Variants in PCDH15 observed in about 807,000 individuals in gnomAD.
PCDH15 encodes protocadherin related 15, also known as protocadherin-15.
A neutral mutation model predicts 178.5 loss-of-function variants in PCDH15; 129 were observed. The observed-to-expected ratio is 0.72, with a 90% CI of 0.63 to 0.84. PCDH15 has a LOEUF of 0.84. Ranked by LOEUF, PCDH15 falls within the 40% of genes least tolerant of loss-of-function variation. The probability of loss-of-function intolerance (pLI) is 0.00; values close to 1 mark genes in which losing one functional copy is unlikely to be tolerated. For synonymous variants in PCDH15, 800 were observed against 732.0 expected (o/e 1.09, Z -1.50); for missense variants, 2,230 against 2,099.9 (o/e 1.06, Z -1.21).
rs80172619 is a variant in PCDH15, at chr10:53,977,133, C to A, written c.2869-15241G>T. ...GTATTTGACACTAACCTCCCATCTC[C>A]TGGGCTGCAGCACCTGATTAAAGCC... is the stretch of plus-strand genomic sequence containing the variant. On this transcript the variant is annotated intron_variant, in intron 21 of 37. Coordinates refer to ENST00000644397, the MANE Select transcript of PCDH15 (RefSeq NM_001384140.1). Among the ~76,000 whole-genome samples the A allele has an allele frequency of 9.4e-3, 1,438 of 152,206 alleles. 20 individuals carry two copies. The highest frequency in any genetic ancestry group is 0.034 in the African/African-American group (1,393 of 41,532).
chr10:54,029,490 G>T (rs761071386), intron 18 of PCDH15, among the ~76,000 whole-genome samples: 10 of 152,106 alleles, frequency 6.6e-5, no homozygotes, highest in Non-Finnish European at 1.3e-4. Context: ...ATTTGTGAAT[G>T]CATATTGCTG....
At chr10:54,361,613 A>T (rs1031098558) in intron 5 of PCDH15, among the ~76,000 whole-genome samples, 3 of 152,044 alleles carry the variant, frequency 2.0e-5, no homozygotes, top group African/African-American at 4.8e-5. Flanking sequence ...TACAGGTAGG[A>T]AGTGGTCATC....
chr10:54,994,376 T>C (rs143594728), intron 2 of PCDH15, among the ~76,000 whole-genome samples: 154 of 152,270 alleles, frequency 1.0e-3, no homozygotes, highest in African/African-American at 3.5e-3. Flanking sequence ...CAGCCTAGTA[T>C]CTGCAAAGCA....
At chr10:55,183,700 G>T (rs1839715517) in intron 1 of PCDH15, among the ~76,000 whole-genome samples, 1 of 151,008 alleles carries the variant, frequency 6.6e-6, no homozygotes, top group African/African-American at 2.4e-5. Context: ...AATTGAAAAA[G>T]AATGGTTTAT....
At chr10:54,820,664 G>A (rs1267648656) in intron 3 of PCDH15, among the ~76,000 whole-genome samples, 1 of 151,922 alleles carries the variant, frequency 6.6e-6, no homozygotes, top group African/African-American at 2.4e-5. Context: ...GTTCCTACGA[G>A]CACCATAAAG....
chr10:54,655,322 A>AAG, intron 2 of PCDH15, among the ~76,000 whole-genome samples: 1 of 74,344 alleles, frequency 1.3e-5, no homozygotes, highest in East Asian at 3.9e-4. Context: ...GAGACAGAGA[A>AAG]AGAGAGAAAG....
chr10:54,300,966 C>T (rs554272504), intron 8 of PCDH15, among the ~76,000 whole-genome samples: 20 of 152,288 alleles, frequency 1.3e-4, no homozygotes, highest in South Asian at 1.0e-3. Context: ...AATCTTGCTG[C>T]TGCTCACTCT....
intron 2 of PCDH15, among the ~76,000 whole-genome samples, chr10:54,594,916 T>A (rs1418824379): frequency 6.6e-6 from 1 of 152,114 alleles, no homozygotes; most frequent in African/African-American, 2.4e-5. Context: ...TCTACTCCCA[T>A]CCCTGAGAGG....
At chr10:54,342,456 C>G (rs191982615) in intron 6 of PCDH15, among the ~76,000 whole-genome samples, 75 of 152,326 alleles carry the variant, frequency 4.9e-4, no homozygotes, top group African/African-American at 1.7e-3. Flanking sequence ...TTGGGAACCT[C>G]CACCTTGGTT....
At chr10:55,388,403 G>GA (rs1245282984) in intron 2 of PCDH15, among the ~76,000 whole-genome samples, 1 of 151,826 alleles carries the variant, frequency 6.6e-6, no homozygotes, top group East Asian at 1.9e-4. Flanking sequence ...GAATCCTGTT[G>GA]ACTTGCCACT....
intron 2 of PCDH15, among the ~76,000 whole-genome samples, chr10:55,078,977 T>G (rs1250310247): frequency 6.6e-6 from 1 of 152,188 alleles, no homozygotes; most frequent in Non-Finnish European, 1.5e-5. Flanking sequence ...TTTCTTTCCT[T>G]TTATAATTTC....
chr10:54,143,665 T>C (rs2133207111), intron 14 of PCDH15, among the ~76,000 whole-genome samples: 1 of 152,302 alleles, frequency 6.6e-6, no homozygotes, highest in Non-Finnish European at 1.5e-5. Context: ...ATCTTTGGAA[T>C]ATTGCTGATT....
Position 53,903,248 on chromosome 10 carries a change from C to T in PCDH15, c.3496G>A (p.Val1166Met), listed in dbSNP as rs145102285. The change falls in exon 26 of 38, where the codon GTG becomes ATG. Residue 1166 changes from valine to methionine, a missense_variant. Physicochemically the swap from Val to Met is conservative, Grantham distance 21. Coordinates refer to ENST00000644397, the MANE Select transcript of PCDH15 (RefSeq NM_001384140.1). ...ATTAACATAATTCCGCATACCTTCA[C>T]TCTGAGTACAGAAGTAAACATTCTT... ...DARMFTSVLR[V>M]KATDKDTGNY... 7 of 1,612,784 alleles carry T rather than the reference C, an allele frequency of 4.3e-6. No homozygotes were observed. Among genetic ancestry groups the T allele is most frequent in the Non-Finnish European group, 5.9e-6 (7 of 1,179,360 alleles).
At chr10:53,905,286 T>C in intron 25 of PCDH15, 1 of 508,474 alleles carries the variant, frequency 2.0e-6, no homozygotes, top group Non-Finnish European at 3.9e-6. Context: ...ACAAATAGGA[T>C]ACATTAAATC....
At chr10:54,595,357 G>A (rs540999101) in intron 2 of PCDH15, among the ~76,000 whole-genome samples, 8 of 152,222 alleles carry the variant, frequency 5.3e-5, no homozygotes, top group South Asian at 2.1e-4. Context: ...GCCACCTGAA[G>A]TCTTCCACTA....
intron 3 of PCDH15, among the ~76,000 whole-genome samples, chr10:54,827,765 C>T (rs575185861): frequency 6.6e-6 from 1 of 152,138 alleles, no homozygotes; most frequent in South Asian, 2.1e-4. Context: ...TTTAGTATAT[C>T]TACCATGTTC....
chr10:53,986,881 T>A (rs1181329534), intron 21 of PCDH15, among the ~76,000 whole-genome samples: 1 of 152,160 alleles, frequency 6.6e-6, no homozygotes, highest in East Asian at 1.9e-4. Context: ...TTGTTCTCAT[T>A]TTCCAGATGC....
chr10:53,806,763 G>C lies in PCDH15; in HGVS notation c.5039C>G (p.Thr1680Ser). The C allele has an allele frequency of 6.2e-7, 1 of 1,613,804 alleles. No homozygotes were observed. Among genetic ancestry groups the C allele is most frequent in the Non-Finnish European group, 8.5e-7 (1 of 1,179,804 alleles). Residue 1680 changes from threonine (T) to serine (S), a missense_variant, in exon 38 of 38, where the codon ACT becomes AGT. Physicochemically the swap from Thr to Ser is moderately conservative, Grantham distance 58. Coordinates refer to ENST00000644397, the MANE Select transcript of PCDH15 (RefSeq NM_001384140.1). ...LVTFAPCPVG[T>S]DNTAVKPLRN... Reference sequence around the variant, plus strand: ...TAGTGGCTTCACCGCTGTATTGTCAGTCCCCACAGGGCAAGGGGCAAATGT... The same window carrying C: ...TAGTGGCTTCACCGCTGTATTGTCACTCCCCACAGGGCAAGGGGCAAATGT...
intron 2 of PCDH15, among the ~76,000 whole-genome samples, chr10:55,549,415 G>C (rs568388474): frequency 6.6e-6 from 1 of 152,164 alleles, no homozygotes; most frequent in Admixed American, 6.6e-5. Context: ...CCAAGATGAT[G>C]GGTATGCATC....
Sources: allele counts gnomAD v4.1 joint callset (sites outside exome capture counted in the v4.1 genomes callset), GRCh38; gene constraint gnomAD v4.1.1; transcripts MANE v1.5; gene names NCBI Gene and HGNC (gene_info 2026-07-23, HGNC 2026-07-21).